Variants in SGTB observed in about 807,000 individuals in gnomAD.
SGTB encodes small glutamine rich tetratricopeptide repeat co-chaperone beta, also known as small glutamine-rich tetratricopeptide repeat-containing protein beta.
Under a neutral mutation model 43.9 loss-of-function variants are expected in SGTB, and 19 were observed. The observed-to-expected ratio is 0.43, with a 90% CI of 0.30 to 0.63. SGTB has a LOEUF of 0.63. Ranked by LOEUF, SGTB falls within the 30% of genes least tolerant of loss-of-function variation. SGTB has a pLI of 0.12. For missense variants in SGTB, 304 were observed against 358.9 expected (o/e 0.85, Z 1.24); for synonymous variants, 116 against 117.3 (o/e 0.99, Z 0.07).
intron 5 of SGTB, among the ~76,000 whole-genome samples, chr5:65,689,838 A>G (rs938775916): frequency 1.2e-4 from 19 of 152,224 alleles, no homozygotes; most frequent in Admixed American, 1.2e-3. Context: ...TGAGGCCCTT[A>G]CTTTTCAGAC....
chr5:65,672,603 T>C (rs974861406), intron 8 of SGTB, among the ~76,000 whole-genome samples: 2 of 152,192 alleles, frequency 1.3e-5, no homozygotes, highest in Non-Finnish European at 2.9e-5. Flanking sequence ...TTAAGGGATC[T>C]CCTACACTTG....
chr5:65,692,960 C>T (rs1251922967), intron 5 of SGTB, among the ~76,000 whole-genome samples: 2 of 152,034 alleles, frequency 1.3e-5, no homozygotes, highest in African/African-American at 4.8e-5. Flanking sequence ...AATCCCAGCA[C>T]TTTGGGAGGC....
intron 8 of SGTB, among the ~76,000 whole-genome samples, chr5:65,672,537 C>T (rs566162626): frequency 1.4e-4 from 21 of 152,266 alleles, no homozygotes; most frequent in African/African-American, 5.1e-4. Context: ...AGTTTACTTA[C>T]TACTGCTATC....
intron 5 of SGTB, among the ~76,000 whole-genome samples, chr5:65,696,211 C>T (rs1402822529): frequency 6.6e-6 from 1 of 152,158 alleles, no homozygotes; most frequent in African/African-American, 2.4e-5. Flanking sequence ...CCTTCAAATC[C>T]GACTCCAGTT....
intron 5 of SGTB, among the ~76,000 whole-genome samples, chr5:65,695,743 C>T (rs1452467042): frequency 6.6e-6 from 1 of 152,078 alleles, no homozygotes; most frequent in African/African-American, 2.4e-5. Flanking sequence ...TAAATTATGG[C>T]AAAAATCTAT....
At chr5:65,685,271 A>G in intron 6 of SGTB, 97 bp downstream of exon 6, 1 of 969,226 alleles carries the variant, frequency 1.0e-6, no homozygotes, top group South Asian at 1.6e-5. Context: ...ATTAGTTCAG[A>G]GGGTAAAACA....
At chr5:65,681,015 A>C (rs1457076398) in intron 6 of SGTB, among the ~76,000 whole-genome samples, 3 of 152,132 alleles carry the variant, frequency 2.0e-5, no homozygotes, top group Non-Finnish European at 2.9e-5. Context: ...TGGTTGTCCT[A>C]TAGATCATGA....
chr5:65,705,073 T>C (rs1290973009), intron 4 of SGTB, among the ~76,000 whole-genome samples: 1 of 152,082 alleles, frequency 6.6e-6, no homozygotes, highest in African/African-American at 2.4e-5. Context: ...GTCAGCAAAA[T>C]AAGAGATTTC....
chr5:65,701,380 T>C (rs1007348836), intron 5 of SGTB, among the ~76,000 whole-genome samples: 3 of 151,856 alleles, frequency 2.0e-5, no homozygotes, highest in African/African-American at 7.3e-5. Context: ...TGATAAAATT[T>C]AAATGAAAGG....
intron 5 of SGTB, among the ~76,000 whole-genome samples, chr5:65,698,185 T>G (rs1192543279): frequency 1.3e-5 from 2 of 152,188 alleles, no homozygotes; most frequent in African/African-American, 2.4e-5. Context: ...TACAGGTGTA[T>G]GTATTTGTCA....
rs950893960 is a variant in SGTB at position 65,667,859 on chromosome 5, T to C, written c.*2387A>G. 2.0e-5 allele frequency: 3 copies of C among 152,200 alleles called. No homozygotes were observed. The highest frequency in any genetic ancestry group is 2.9e-5 in the Non-Finnish European group (2 of 68,030). The allele number at this position is 152,200 out of a possible 1,614,324, so 9.4% of individuals were successfully genotyped here. Reference sequence around the variant, plus strand: ...ATCCAGGTGATTCTTACAATGAAGTTATAGAACTACTGTTCTAATGTCACA... The same window carrying C: ...ATCCAGGTGATTCTTACAATGAAGTCATAGAACTACTGTTCTAATGTCACA... On this transcript the variant is annotated 3_prime_UTR_variant, in exon 11 of 11. Coordinates refer to ENST00000381007, the MANE Select transcript of SGTB (RefSeq NM_019072.3).
intron 8 of SGTB, among the ~76,000 whole-genome samples, chr5:65,674,940 T>G (rs539825800): frequency 2.0e-5 from 3 of 152,342 alleles, no homozygotes; most frequent in South Asian, 4.1e-4. Context: ...CTTATCTCAC[T>G]GGGAATGAGT....
intron 6 of SGTB, 146 bp downstream of exon 6, chr5:65,685,222 T>C (rs1757475724): frequency 3.2e-6 from 2 of 634,652 alleles, no homozygotes; most frequent in Admixed American, 3.0e-5. Context: ...GTCAAAGAAA[T>C]TGTAGTCATT....
chr5:65,704,170 T>A (rs1757885765), intron 5 of SGTB, 109 bp downstream of exon 5: 4 of 751,254 alleles, frequency 5.3e-6, no homozygotes, highest in Non-Finnish European at 7.8e-6. Flanking sequence ...TTCTTTATAT[T>A]TTTCTGAACT....
chr5:65,685,301 C>T lies in SGTB; in HGVS notation c.479+67G>A. 2.1e-6 allele frequency: 3 copies of T among 1,397,552 alleles called. No homozygotes were observed. In the South Asian group the frequency reaches 3.6e-5, roughly 17 times the overall value. 86.6% of individuals were successfully genotyped at this position (1,397,552 alleles called of 1,614,324 possible). Reference sequence around the variant, plus strand: ...AAAACATTAAGCAGGAAATTCAAAACCAAGCCATTAAGAACAGCATACCTG... The same window carrying T: ...AAAACATTAAGCAGGAAATTCAAAATCAAGCCATTAAGAACAGCATACCTG... On this transcript the variant is annotated intron_variant, in intron 6 of 10. Coordinates refer to ENST00000381007, the MANE Select transcript of SGTB (RefSeq NM_019072.3).
intron 5 of SGTB, among the ~76,000 whole-genome samples, chr5:65,695,295 G>A (rs988699388): frequency 1.1e-4 from 16 of 152,194 alleles, no homozygotes; most frequent in Non-Finnish European, 1.9e-4. Flanking sequence ...GGGAGGATCA[G>A]ACTCAGAGAG....
At chr5:65,720,235 C>T (rs1758235944) in intron 2 of SGTB, among the ~76,000 whole-genome samples, 2 of 151,988 alleles carry the variant, frequency 1.3e-5, no homozygotes, top group Admixed American at 6.6e-5. Flanking sequence ...GCAAGTGCCA[C>T]CACACCTGGC....
At chr5:65,677,185 A>G (rs931750560) in intron 8 of SGTB, among the ~76,000 whole-genome samples, 4 of 152,126 alleles carry the variant, frequency 2.6e-5, no homozygotes, top group African/African-American at 7.2e-5. Context: ...TAGTATAAAC[A>G]GTCCTATGCG....
chr5:65,701,032 AAAAG>A lies in SGTB; in HGVS notation c.374+3243_374+3246del, dbSNP rs1209932625. The stretch of plus-strand genomic sequence containing the variant: ...CTCAAAAAAAAAAAAAAAAAAAAAA[AAAAG>A]AATCATAATTATTCCGGAATTACCC... On this transcript the variant is annotated intron_variant, in intron 5 of 10. Coordinates refer to ENST00000381007, the MANE Select transcript of SGTB (RefSeq NM_019072.3). 2.3e-3 allele frequency among the ~76,000 whole-genome samples: 347 copies of A among 150,540 alleles called. 3 individuals are homozygous for A. Among genetic ancestry groups the A allele is most frequent in the Non-Finnish European group, 3.4e-3 (230 of 67,600 alleles).
Sources: gnomAD v4.1 joint callset for allele counts (sites outside exome capture counted in the v4.1 genomes callset) on GRCh38, gnomAD v4.1.1 for gene constraint, MANE v1.5 for transcripts, NCBI Gene and HGNC (gene_info 2026-07-23, HGNC 2026-07-21) for gene names.